The following CACNA1C variants were observed in gnomAD, a reference collection of about 807,000 sequenced individuals.
CACNA1C encodes calcium voltage-gated channel subunit alpha1 C.
Under a neutral mutation model 229.0 loss-of-function variants are expected in CACNA1C, and 30 were observed. The ratio of observed to expected loss-of-function variants is 0.13; its 90% CI spans 0.10 to 0.18. CACNA1C has a LOEUF of 0.18. Ranked by LOEUF, CACNA1C falls within the 10% of genes least tolerant of loss-of-function variation. CACNA1C has a pLI of 1.00. For missense variants in CACNA1C, 1,658 were observed against 2,845.0 expected (o/e 0.58, Z 9.49); for synonymous variants, 1,114 against 1,132.5 (o/e 0.98, Z 0.33).
chr12:2,310,113 T>C (rs1348885781), intron 3 of CACNA1C, among the ~76,000 whole-genome samples: 1 of 152,138 alleles, frequency 6.6e-6, no homozygotes. Flanking sequence ...ACACTTGCCA[T>C]ACAAAGCCCT....
chr12:2,353,006 T>C (rs1161295381), intron 3 of CACNA1C, among the ~76,000 whole-genome samples: 1 of 152,234 alleles, frequency 6.6e-6, no homozygotes, highest in Non-Finnish European at 1.5e-5. Flanking sequence ...AAGGGGGGAT[T>C]GTTATTTTAA....
rs1263258167 is a variant in CACNA1C at position 2,679,301 on chromosome 12, C to T, written c.5092-143C>T. On this transcript the variant is annotated intron_variant, in intron 41 of 46. Transcript: ENST00000399655. This position sits in a 1 kb window ranked among gnomAD's most constrained non-coding sequence, Gnocchi z 5.5. ...GAAGAAGGTCCTCAGGTGCTCCTGG[C>T]TCCCAGCAGGGCTGTGCCTACCCGA... The T allele has an allele frequency of 1.6e-6, 1 of 615,804 alleles. No individual in the cohort carries two copies. The highest frequency in any genetic ancestry group is 1.8e-5 in the African/African-American group (1 of 54,458). The allele number at this position is 615,804 out of a possible 1,614,324, so 38.1% of individuals were successfully genotyped here. A position where few individuals can be genotyped will look rare whatever the true frequency, so the allele number is the denominator to read the frequency against.
At chr12:2,661,086 C>T (rs1208121491) in intron 34 of CACNA1C, 1 of 152,012 alleles carries the variant, frequency 6.6e-6, no homozygotes, top group Non-Finnish European at 1.5e-5. Context: ...AGCAAAACCC[C>T]ATCTCTAAAA....
At position 2,108,629 on chromosome 12, in the gene CACNA1C, C is replaced by T. The variant is rs2080233751; in HGVS notation, c.50-6595C>T. ...GAGGAGGGTGGAAGAGCTGCTGAGA[C>T]CGCAAGTTTACCAGCCTCCCACCCA... On this transcript the variant is annotated intron_variant, in intron 1 of 46. Transcript: ENST00000399655. The surrounding 1 kb of genome is among the most constrained non-coding windows in gnomAD (Gnocchi z 5.3). Among the ~76,000 whole-genome samples the T allele has an allele frequency of 6.6e-6, 1 of 152,202 alleles. No individual in the cohort carries two copies. The highest frequency in any genetic ancestry group is 1.9e-4 in the East Asian group (1 of 5,184).
chr12:2,510,443 T>A (rs2099781151), intron 8 of CACNA1C, among the ~76,000 whole-genome samples: 1 of 152,136 alleles, frequency 6.6e-6, no homozygotes, highest in South Asian at 2.1e-4. Context: ...ACATCCTTCC[T>A]CTATGAGGAA....
intron 7 of CACNA1C, among the ~76,000 whole-genome samples, chr12:2,497,477 T>G (rs1269810585): frequency 6.6e-6 from 1 of 152,146 alleles, no homozygotes; most frequent in Non-Finnish European, 1.5e-5. Flanking sequence ...TTTCTAGCTC[T>G]TTAGGAATCT....
intron 3 of CACNA1C, among the ~76,000 whole-genome samples, chr12:2,292,933 C>CTT (rs528110166): frequency 2.7e-5 from 4 of 146,314 alleles, no homozygotes; most frequent in African/African-American, 2.5e-5. Flanking sequence ...TGCGTCCTTT[C>CTT]TTTTTTTTTT....
intron 6 of CACNA1C, among the ~76,000 whole-genome samples, chr12:2,490,882 T>G (rs374280899): frequency 1.3e-5 from 2 of 152,312 alleles, no homozygotes; most frequent in East Asian, 3.9e-4. Context: ...TGCAGACCTT[T>G]GCACCTTGAT....
intron 3 of CACNA1C, among the ~76,000 whole-genome samples, chr12:2,276,240 C>T (rs545999945): frequency 4.6e-5 from 7 of 152,216 alleles, no homozygotes; most frequent in Non-Finnish European, 7.4e-5. Flanking sequence ...GATATGAACC[C>T]GAATCTCTGT....
chr12:1,991,952 A>T, intron 1 of CACNA1C: 2 of 186,474 alleles, frequency 1.1e-5, no homozygotes, highest in South Asian at 1.9e-4. Context: ...CTTAAATTAT[A>T]TATTAATTTG....
At chr12:2,277,486 T>A (rs1354972994) in intron 3 of CACNA1C, among the ~76,000 whole-genome samples, 1 of 151,698 alleles carries the variant, frequency 6.6e-6, no homozygotes, top group Non-Finnish European at 1.5e-5. Flanking sequence ...GTTTCCCAAC[T>A]GTTGCTCTCT....
intron 3 of CACNA1C, among the ~76,000 whole-genome samples, chr12:2,360,177 CCACA>C (rs373271524): frequency 2.6e-5 from 3 of 117,620 alleles, no homozygotes; most frequent in Non-Finnish European, 3.5e-5. Context: ...CCCCCCCACC[CCACA>C]CACACACACA....
At position 2,608,958 on chromosome 12, in the gene CACNA1C, G is replaced by A. The variant is rs757105004; in HGVS notation, c.3558+246G>A. 1.6e-4 allele frequency among the ~76,000 whole-genome samples: 25 copies of A among 152,228 alleles called. No individual in the cohort carries two copies. The highest frequency in any genetic ancestry group is 2.2e-4 in the Non-Finnish European group (15 of 68,042). ...AAATATCTATGAAGCTTCTACTTAA[G>A]GATACTCTATGATAGGTTTTGTCAA... On this transcript the variant is annotated intron_variant, in intron 27 of 46. Coordinates refer to ENST00000399655, the MANE Select transcript of CACNA1C (RefSeq NM_000719.7). The surrounding 1 kb of genome is among the most constrained non-coding windows in gnomAD (Gnocchi z 4.2).
chr12:2,385,914 G>C (rs1298036865), intron 3 of CACNA1C, among the ~76,000 whole-genome samples: 1 of 152,220 alleles, frequency 6.6e-6, no homozygotes, highest in Non-Finnish European at 1.5e-5. Flanking sequence ...CGACTCAGGA[G>C]AGGCCATCGC....
chr12:2,039,374 T>C (rs1490917797), intron 1 of CACNA1C, among the ~76,000 whole-genome samples: 1 of 152,180 alleles, frequency 6.6e-6, no homozygotes, highest in Admixed American at 6.5e-5. Flanking sequence ...TTTCAAAATT[T>C]CTCTTTTACC....
At chr12:2,596,130 A>G in intron 20 of CACNA1C, 127 bp downstream of exon 20, 1 of 924,710 alleles carries the variant, frequency 1.1e-6, no homozygotes, top group Non-Finnish European at 1.6e-6. Flanking sequence ...TCCACAACTA[A>G]CATTTCATTA....
At chr12:2,482,591 G>A (rs558640699) in intron 5 of CACNA1C, among the ~76,000 whole-genome samples, 3 of 152,270 alleles carry the variant, frequency 2.0e-5, no homozygotes, top group South Asian at 2.1e-4. Flanking sequence ...TCTTCAGAAC[G>A]CGCTCATCAA....
At chr12:2,168,100 T>A (rs1162396490) in intron 3 of CACNA1C, among the ~76,000 whole-genome samples, 1 of 152,096 alleles carries the variant, frequency 6.6e-6, no homozygotes, top group Non-Finnish European at 1.5e-5. Context: ...ATGCGTGTGT[T>A]ACAGGGGCAT....
chr12:2,038,213 A>G (rs2049479094), intron 1 of CACNA1C, among the ~76,000 whole-genome samples: 1 of 152,156 alleles, frequency 6.6e-6, no homozygotes, highest in Non-Finnish European at 1.5e-5. Flanking sequence ...TCTTTCTCAT[A>G]TGGATATTGC....
Sources: allele counts gnomAD v4.1 joint callset (sites outside exome capture counted in the v4.1 genomes callset), GRCh38; gene constraint gnomAD v4.1.1; non-coding constraint Gnocchi (gnomAD v3.1); transcripts MANE v1.5; gene names NCBI Gene and HGNC (gene_info 2026-07-23, HGNC 2026-07-21).